MYO10: variants seen among roughly 807,000 people sequenced by gnomAD.
MYO10 encodes unconventional myosin-X.
MYO10 carries 133 observed loss-of-function variants against 257.3 expected under a neutral mutation model. That is an observed-to-expected ratio of 0.52 (90% CI 0.45 to 0.60). The LOEUF is 0.60. Among genes scored for constraint, MYO10 ranks in the 20% least tolerant of loss-of-function variants. The pLI is 0.00. For synonymous variants in MYO10, 1,104 were observed against 1,028.6 expected (o/e 1.07, Z -1.40); for missense variants, 2,399 against 2,635.7 (o/e 0.91, Z 1.97).
chr5:16,802,242 C>A (rs987187221), intron 3 of MYO10, among the ~76,000 whole-genome samples: 2 of 152,128 alleles, frequency 1.3e-5, no homozygotes, highest in African/African-American at 4.8e-5. Flanking sequence ...GAGAAGAGTT[C>A]TGGAGATTGC....
At chr5:16,791,571 T>C (rs573862831) in intron 4 of MYO10, among the ~76,000 whole-genome samples, 3,801 of 37,686 alleles carry the variant, frequency 0.1, 159 homozygotes, top group African/African-American at 0.3. Context: ...CATACACATA[T>C]GCACAATGAT....
At chr5:16,672,857 A>G (rs1416064822) in intron 36 of MYO10, 32 bp from the exon 37 acceptor site, 2 of 1,605,084 alleles carry the variant, frequency 1.2e-6, no homozygotes, top group Non-Finnish European at 1.7e-6. Context: ...CTTCAGTTCC[A>G]CAGGCTGCGG....
chr5:16,811,470 G>A lies in MYO10; in HGVS notation c.279+6539C>T, dbSNP rs113754539. 6.6e-5 allele frequency among the ~76,000 whole-genome samples: 10 copies of A among 152,304 alleles called. 1 individual carries two copies. Among genetic ancestry groups the A allele is most frequent in the African/African-American group, 2.2e-4 (9 of 41,574 alleles). ...AGCAAAGACAGCCTTCTCCCGCTGC[G>A]ATGAGGCCGCATCAAGCTCACTCTC... On this transcript the variant is annotated intron_variant, in intron 3 of 40. Transcript: ENST00000513610.
chr5:16,835,239 C>G (rs912745409), intron 2 of MYO10, among the ~76,000 whole-genome samples: 5 of 151,894 alleles, frequency 3.3e-5, no homozygotes, highest in Non-Finnish European at 5.9e-5. Flanking sequence ...ATCCAGTAAA[C>G]AAAAACAGAA....
At chr5:16,817,203 G>A (rs1251837381) in intron 3 of MYO10, among the ~76,000 whole-genome samples, 1 of 152,174 alleles carries the variant, frequency 6.6e-6, no homozygotes, top group African/African-American at 2.4e-5. Context: ...AAAAGATCAA[G>A]AGTTTTTAAA....
At chr5:16,806,156 C>T (rs1189358464) in intron 3 of MYO10, among the ~76,000 whole-genome samples, 1 of 151,270 alleles carries the variant, frequency 6.6e-6, no homozygotes, top group Non-Finnish European at 1.5e-5. Context: ...ACCAGCCTGG[C>T]CAACATGGCA....
rs1484268435 is a variant in MYO10, at chr5:16,780,402, T to C, written c.826+122A>G. Reference sequence around the variant, plus strand: ...CAGCATCTTTTTGGTGTTCGCATAGTGTACATTTCATTGCTATCGGTGAAA... The same window carrying C: ...CAGCATCTTTTTGGTGTTCGCATAGCGTACATTTCATTGCTATCGGTGAAA... On this transcript the variant is annotated intron_variant, in intron 8 of 40. Transcript: ENST00000513610. 6 of 917,310 alleles carry C rather than the reference T, an allele frequency of 6.5e-6. No individual in the cohort carries two copies. The Admixed American group carries it at 1.2e-4, about 18-fold the overall frequency. The allele number at this position is 917,310 out of a possible 1,614,324, so 56.8% of individuals were successfully genotyped here. A position where few individuals can be genotyped will look rare whatever the true frequency, so the allele number is the denominator to read the frequency against.
intron 2 of MYO10, among the ~76,000 whole-genome samples, chr5:16,868,653 G>A (rs1744355143): frequency 6.6e-6 from 1 of 152,036 alleles, no homozygotes; most frequent in East Asian, 1.9e-4. Flanking sequence ...CAAAGCCTGT[G>A]GTCCAAGAAG....
intron 26 of MYO10, among the ~76,000 whole-genome samples, chr5:16,698,626 T>TTTTTTTTG (rs1352160465): frequency 1.5e-5 from 2 of 137,646 alleles, no homozygotes; most frequent in African/African-American, 6.1e-5. Flanking sequence ...ACATGCAGTT[T>TTTTTTTTG]TTTTTTTTTT....
At chr5:16,802,005 G>C (rs1742134197) in intron 3 of MYO10, among the ~76,000 whole-genome samples, 1 of 152,164 alleles carries the variant, frequency 6.6e-6, no homozygotes, top group Non-Finnish European at 1.5e-5. Context: ...AAGACATTAT[G>C]CTAAGTGAAT....
rs370972423 is a variant in MYO10, at chr5:16,803,914, C to T, written c.280-9081G>A. ...TGGCCAAAAGGATTGTTTACACATT[C>T]GCACACCCACTCATTTGCTCTTCCA... is the stretch of plus-strand genomic sequence containing the variant. On this transcript the variant is annotated intron_variant, in intron 3 of 40. Coordinates refer to ENST00000513610, the MANE Select transcript of MYO10 (RefSeq NM_012334.3). Among the ~76,000 whole-genome samples, 59 of 152,292 alleles carry T rather than the reference C, an allele frequency of 3.9e-4. No homozygotes were observed. In the South Asian group the frequency reaches 0.012, roughly 30 times the overall value.
In MYO10 at chr5:16,701,255, G is replaced by A. The variant is rs554112654; in HGVS notation, c.3140C>T (p.Ala1047Val). The A allele has an allele frequency of 3.7e-6, 6 of 1,613,450 alleles. No individual in the cohort carries two copies. The highest frequency in any genetic ancestry group is 1.7e-4 in the Middle Eastern group (1 of 6,058). Residue 1047 changes from alanine (A) to valine (V), a missense_variant, in exon 25 of 41, where the codon GCG (alanine) becomes GTG (valine). Ala to Val is a moderately conservative substitution (Grantham distance 64). Around this residue, in one of 3 missense-constraint regions of MYO10, gnomAD observed 1,820 missense variants for 1,939.4 expected, o/e 0.94. Coordinates refer to ENST00000513610, the MANE Select transcript of MYO10 (RefSeq NM_012334.3). This position sits in a 1 kb window ranked among gnomAD's most constrained non-coding sequence, Gnocchi z 8.1. ...TGGGGCGAGCAGCACCGTGCTGTCCGCACTGGGGCTGGTGGGCACCACCGT... is the reference window on the plus strand; with the variant it reads ...TGGGGCGAGCAGCACCGTGCTGTCCACACTGGGGCTGGTGGGCACCACCGT... ...NDTVVPTSPS[A>V]DSTVLLAPSV... is the part of the protein sequence containing the mutation.
chr5:16,921,925 G>A (rs1048855419), intron 1 of MYO10, among the ~76,000 whole-genome samples: 37 of 152,098 alleles, frequency 2.4e-4, no homozygotes, highest in Middle Eastern at 3.4e-3. Flanking sequence ...AGCCAAAAAC[G>A]TAAAGGGGGC....
chr5:16,672,597 A>C, intron 37 of MYO10, 92 bp downstream of exon 37: 1 of 1,476,542 alleles, frequency 6.8e-7, no homozygotes, highest in East Asian at 2.3e-5. Flanking sequence ...TACAGCGTGA[A>C]GCCACAAATG....
chr5:16,900,831 G>C (rs1387098567), intron 1 of MYO10, among the ~76,000 whole-genome samples: 1 of 148,074 alleles, frequency 6.8e-6, no homozygotes, highest in Non-Finnish European at 1.5e-5. Context: ...CCTTCTCCTC[G>C]TGGGTTCAAA....
chr5:16,927,309 T>C (rs1281247774), intron 1 of MYO10, among the ~76,000 whole-genome samples: 1 of 152,110 alleles, frequency 6.6e-6, no homozygotes, highest in Admixed American at 6.5e-5. Context: ...TTATGGTATT[T>C]TCTTTTGTTT....
intron 4 of MYO10, among the ~76,000 whole-genome samples, chr5:16,787,338 A>G (rs1405828315): frequency 3.9e-5 from 6 of 152,204 alleles, no homozygotes; most frequent in Non-Finnish European, 7.3e-5. Flanking sequence ...AAGAAGAAAT[A>G]TAATTAAATA....
rs1736425197 is a variant in MYO10, at chr5:16,670,913, G to T, written c.5496C>A (p.Ala1832=). 1 of 1,613,764 alleles carries T rather than the reference G, an allele frequency of 6.2e-7. No homozygotes were observed. The highest frequency in any genetic ancestry group is 8.5e-7 in the Non-Finnish European group (1 of 1,179,832). Residue 1832 remains alanine, a synonymous_variant, in exon 39 of 41, where the codon GCC becomes GCA. Coordinates refer to ENST00000513610, the MANE Select transcript of MYO10 (RefSeq NM_012334.3). ...APEENLQVLA[A]LRLQYLQGDY... is the part of the protein sequence containing the mutation. Reference sequence around the variant, plus strand: ...CCCCCTGCAGATACTGGAGTCGCAGGGCAGCAAGAACCTGGAGGTTTTCTT... The same window carrying T: ...CCCCCTGCAGATACTGGAGTCGCAGTGCAGCAAGAACCTGGAGGTTTTCTT...
chr5:16,865,378 G>A (rs1413140408), intron 2 of MYO10, among the ~76,000 whole-genome samples: 1 of 152,136 alleles, frequency 6.6e-6, no homozygotes, highest in Non-Finnish European at 1.5e-5. Flanking sequence ...TCTAAGCTGG[G>A]CTATCGGATT....
Sources: allele counts gnomAD v4.1 joint callset (sites outside exome capture counted in the v4.1 genomes callset), GRCh38; gene constraint gnomAD v4.1.1; regional missense constraint gnomAD v4.1.1; non-coding constraint Gnocchi (gnomAD v3.1); transcripts MANE v1.5; gene names NCBI Gene and HGNC (gene_info 2026-07-23, HGNC 2026-07-21).